PTPRD: variants seen among roughly 807,000 people sequenced by gnomAD.
PTPRD encodes the protein receptor-type tyrosine-protein phosphatase delta.
A neutral mutation model predicts 214.5 loss-of-function variants in PTPRD; 34 were observed. The ratio of observed to expected loss-of-function variants is 0.16; its 90% confidence interval spans 0.12 to 0.21. PTPRD has a LOEUF of 0.21. PTPRD is among the 10% of genes least tolerant of loss of function. The pLI, the probability that PTPRD is intolerant of heterozygous loss-of-function variation, is 1.00. For missense variants in PTPRD, 2,545 were observed against 2,398.7 expected (o/e 1.06, Z -1.27); for synonymous variants, 1,128 against 845.7 (o/e 1.33, Z -5.79).
chr9:10,355,743 G>A (rs915138555), intron 2 of PTPRD, among the ~76,000 whole-genome samples: 5 of 152,028 alleles, frequency 3.3e-5, no homozygotes, highest in East Asian at 1.9e-4. Flanking sequence ...CTCCCAAAGC[G>A]CTGGGATTAC....
At chr9:9,328,830 G>T (rs2041181789) in intron 9 of PTPRD, among the ~76,000 whole-genome samples, 1 of 150,506 alleles carries the variant, frequency 6.6e-6, no homozygotes, top group Non-Finnish European at 1.5e-5. Context: ...TGGAGACAGG[G>T]TTTCACTATG....
intron 10 of PTPRD, among the ~76,000 whole-genome samples, chr9:9,056,105 G>C (rs1050533592): frequency 6.6e-6 from 1 of 152,098 alleles, no homozygotes; most frequent in Non-Finnish European, 1.5e-5. Flanking sequence ...TTGTTTTCTA[G>C]ACTATTAGTT....
At chr9:9,047,776 C>G (rs2099675831) in intron 10 of PTPRD, among the ~76,000 whole-genome samples, 1 of 152,010 alleles carries the variant, frequency 6.6e-6, no homozygotes. Flanking sequence ...CACTATAAAA[C>G]TACTAAAAGA....
At chr9:9,717,951 T>G (rs1401429011) in intron 7 of PTPRD, among the ~76,000 whole-genome samples, 2 of 152,324 alleles carry the variant, frequency 1.3e-5, no homozygotes, top group African/African-American at 2.4e-5. Context: ...CCATTTTGTC[T>G]TTGTAAATCT....
At chr9:9,327,899 T>C (rs2040640624) in intron 9 of PTPRD, among the ~76,000 whole-genome samples, 1 of 102,142 alleles carries the variant, frequency 9.8e-6, no homozygotes, top group Non-Finnish European at 2.1e-5. Context: ...CGATAGTTGA[T>C]GAGCTAAAAA....
intron 9 of PTPRD, among the ~76,000 whole-genome samples, chr9:9,349,982 A>T (rs1318661677): frequency 6.6e-6 from 1 of 152,048 alleles, no homozygotes; most frequent in African/African-American, 2.4e-5. Context: ...ATCAGCATAG[A>T]TGTAACCTTG....
At chr9:9,186,494 C>G (rs1470437112) in intron 9 of PTPRD, among the ~76,000 whole-genome samples, 1 of 151,976 alleles carries the variant, frequency 6.6e-6, no homozygotes, top group Admixed American at 6.6e-5. Context: ...ACTTGTAGTC[C>G]CAGCTAGTCA....
chr9:8,996,898 CTTGA>C (rs1567484449), intron 11 of PTPRD, among the ~76,000 whole-genome samples: 5 of 151,954 alleles, frequency 3.3e-5, no homozygotes, highest in African/African-American at 1.2e-4. Context: ...TTTTCTATAT[CTTGA>C]TTGTGATATT....
intron 39 of PTPRD, among the ~76,000 whole-genome samples, chr9:8,364,795 G>A (rs1029149495): frequency 6.6e-6 from 1 of 152,212 alleles, no homozygotes. Context: ...CATTCAGGGT[G>A]CTCCCTGGCT....
intron 2 of PTPRD, among the ~76,000 whole-genome samples, chr9:10,452,825 G>C (rs1454456759): frequency 2.0e-5 from 3 of 151,654 alleles, no homozygotes; most frequent in Admixed American, 1.3e-4. Context: ...AAGGATTCTA[G>C]TTTGATGTAG....
At chr9:9,117,103 T>C (rs1219598775) in intron 10 of PTPRD, among the ~76,000 whole-genome samples, 2 of 152,172 alleles carry the variant, frequency 1.3e-5, no homozygotes, top group Non-Finnish European at 2.9e-5. Flanking sequence ...GGATGCTATC[T>C]GGACACTGAA....
chr9:9,859,214 C>G (rs10122309), intron 5 of PTPRD, among the ~76,000 whole-genome samples: 1 of 152,098 alleles, frequency 6.6e-6, no homozygotes, highest in Non-Finnish European at 1.5e-5. Flanking sequence ...TGATGCTTCC[C>G]CAGCCATGTA....
intron 3 of PTPRD, among the ~76,000 whole-genome samples, chr9:10,132,900 T>A (rs1293007825): frequency 6.6e-6 from 1 of 152,116 alleles, no homozygotes. Flanking sequence ...CCCTCCCACT[T>A]TGGCCTGTAT....
At chr9:9,152,025 G>C (rs142175708) in intron 10 of PTPRD, among the ~76,000 whole-genome samples, 2 of 152,318 alleles carry the variant, frequency 1.3e-5, no homozygotes, top group Admixed American at 6.5e-5. Flanking sequence ...AACACAGATA[G>C]CAGAGACCTC....
chr9:8,766,832 G>T (rs375636053), intron 11 of PTPRD, among the ~76,000 whole-genome samples: 1 of 152,070 alleles, frequency 6.6e-6, no homozygotes, highest in Admixed American at 6.6e-5. Context: ...TAGAAGTTTC[G>T]TGATGTGTTT....
intron 3 of PTPRD, among the ~76,000 whole-genome samples, chr9:10,193,309 A>G (rs924243454): frequency 1.3e-5 from 2 of 151,964 alleles, no homozygotes; most frequent in African/African-American, 2.4e-5. Context: ...TGACCTGGGG[A>G]AAAAAATTCT....
intron 10 of PTPRD, among the ~76,000 whole-genome samples, chr9:9,063,236 CA>C (rs1250531953): frequency 1.3e-5 from 2 of 152,090 alleles, no homozygotes; most frequent in African/African-American, 4.8e-5. Flanking sequence ...TAGAAAAAAA[CA>C]GTAGATAAAC....
intron 9 of PTPRD, among the ~76,000 whole-genome samples, chr9:9,286,873 A>AATGAATATAT (rs1555176928): frequency 1.2e-4 from 9 of 77,084 alleles, no homozygotes; most frequent in Non-Finnish European, 2.2e-4. Flanking sequence ...GAAACTACTG[A>AATGAATATAT]ATATATATAT....
chr9:10,532,032 G>T (rs2134734485), intron 2 of PTPRD: 1 of 152,216 alleles, frequency 6.6e-6, no homozygotes, highest in African/African-American at 2.4e-5. Context: ...TCTCCCACTT[G>T]TTGGGGAGCC....
Sources: gnomAD v4.1 joint callset for allele counts (sites outside exome capture counted in the v4.1 genomes callset) on GRCh38, gnomAD v4.1.1 for gene constraint, MANE v1.5 for transcripts, NCBI Gene and HGNC (gene_info 2026-07-23, HGNC 2026-07-21) for gene names.